RPS6KC1: variants seen among roughly 807,000 people sequenced by gnomAD.
RPS6KC1 encodes the protein ribosomal protein S6 kinase C1, also known as inactive ribosomal protein S6 kinase delta-1.
A neutral mutation model predicts 103.8 loss-of-function variants in RPS6KC1; 54 were observed. The observed-to-expected ratio is 0.52, with a 90% confidence interval of 0.42 to 0.65. The LOEUF (loss-of-function observed/expected upper bound fraction) is 0.65. RPS6KC1 is among the 30% of genes least tolerant of loss of function. The pLI is 0.00. For synonymous variants in RPS6KC1, 439 were observed against 438.7 expected, an observed-to-expected ratio of 1.00 and a Z score of -0.01; for missense variants, 1,151 against 1,253.8, an observed-to-expected ratio of 0.92 and a Z score of 1.24.
chr1:213,557,141 C>A, the RPS6KC1 span, among the ~76,000 whole-genome samples: 2 of 152,156 alleles, frequency 1.3e-5, no homozygotes, highest in Non-Finnish European at 2.9e-5. Flanking sequence ...CTTTTAGGGG[C>A]CTGCTTCAGC....
chr1:213,225,108 C>G (rs114033918), intron 8 of RPS6KC1, among the ~76,000 whole-genome samples: 7 of 152,264 alleles, frequency 4.6e-5, no homozygotes, highest in Non-Finnish European at 1.0e-4. Flanking sequence ...TATTGCCAAA[C>G]AGATGGAAAG....
intron 3 of RPS6KC1, among the ~76,000 whole-genome samples, chr1:213,092,129 C>T (rs2081023265): frequency 6.6e-6 from 1 of 152,038 alleles, no homozygotes; most frequent in Admixed American, 6.6e-5. Flanking sequence ...AAAAATGCAA[C>T]TGCTTTTGTA....
chr1:213,439,232 A>G, the RPS6KC1 span, among the ~76,000 whole-genome samples: 593 of 152,180 alleles, frequency 3.9e-3, 3 homozygotes, highest in Non-Finnish European at 6.8e-3. Flanking sequence ...TACAGGAAAA[A>G]CCAGCACAGA....
chr1:213,521,880 C>T, the RPS6KC1 span, among the ~76,000 whole-genome samples: 13 of 152,188 alleles, frequency 8.5e-5, no homozygotes, highest in Non-Finnish European at 1.3e-4. Context: ...CCCCTACTGA[C>T]GTTGCGAGTC....
At chr1:213,735,084 C>T in the RPS6KC1 span, among the ~76,000 whole-genome samples, 6 of 152,232 alleles carry the variant, frequency 3.9e-5, no homozygotes, top group East Asian at 1.9e-4. Context: ...CCACCACGCC[C>T]GGCTAATTTT....
intron 6 of RPS6KC1, among the ~76,000 whole-genome samples, chr1:213,141,629 GT>G (rs1244489381): frequency 6.6e-6 from 1 of 151,764 alleles, no homozygotes; most frequent in African/African-American, 2.4e-5. Flanking sequence ...ATTTCATTCA[GT>G]TCTGCTCTGA....
At chr1:213,581,993 T>C in the RPS6KC1 span, among the ~76,000 whole-genome samples, 1 of 151,970 alleles carries the variant, frequency 6.6e-6, no homozygotes, top group Non-Finnish European at 1.5e-5. Context: ...CAGCATTTTG[T>C]ACCTGCCCAC....
At chr1:213,425,859 G>A in the RPS6KC1 span, among the ~76,000 whole-genome samples, 7 of 152,208 alleles carry the variant, frequency 4.6e-5, no homozygotes, top group Admixed American at 2.0e-4. Context: ...GGTGGTGGCC[G>A]GGGCGGATGC....
the RPS6KC1 span, among the ~76,000 whole-genome samples, chr1:213,315,639 T>C: frequency 1.3e-5 from 2 of 152,230 alleles, no homozygotes; most frequent in Non-Finnish European, 2.9e-5. Flanking sequence ...TATATTAGTA[T>C]ATAGGAAAGA....
chr1:213,470,458 C>G, the RPS6KC1 span, among the ~76,000 whole-genome samples: 2 of 152,158 alleles, frequency 1.3e-5, no homozygotes, highest in African/African-American at 4.8e-5. Flanking sequence ...ATGTTCTGTG[C>G]ATCCAGCCAG....
the RPS6KC1 span, among the ~76,000 whole-genome samples, chr1:213,522,282 C>T: frequency 3.9e-5 from 6 of 152,316 alleles, no homozygotes; most frequent in African/African-American, 1.4e-4. Flanking sequence ...TAGGTCTCAA[C>T]AGTGGGTTTA....
the RPS6KC1 span, among the ~76,000 whole-genome samples, chr1:213,550,624 G>A: frequency 6.6e-6 from 1 of 152,098 alleles, no homozygotes; most frequent in South Asian, 2.1e-4. Flanking sequence ...TGATGGAATC[G>A]CAGTAACGCT....
At chr1:213,541,809 T>C in the RPS6KC1 span, among the ~76,000 whole-genome samples, 3 of 152,282 alleles carry the variant, frequency 2.0e-5, no homozygotes, top group South Asian at 6.2e-4. Flanking sequence ...CATGAACAGA[T>C]GGCATGAAAG....
the RPS6KC1 span, among the ~76,000 whole-genome samples, chr1:213,778,009 G>T: frequency 6.6e-6 from 1 of 152,114 alleles, no homozygotes; most frequent in African/African-American, 2.4e-5. Context: ...ATAACCCAAG[G>T]CCACTCAGCT....
At chr1:213,426,162 A>T in the RPS6KC1 span, among the ~76,000 whole-genome samples, 2 of 152,142 alleles carry the variant, frequency 1.3e-5, no homozygotes, top group Non-Finnish European at 2.9e-5. Flanking sequence ...GGGTGTGAAC[A>T]TTCTGACTGC....
the RPS6KC1 span, among the ~76,000 whole-genome samples, chr1:213,500,754 C>T: frequency 5.3e-5 from 8 of 152,114 alleles, no homozygotes; most frequent in South Asian, 2.1e-4. Flanking sequence ...TTATGTGGTG[C>T]GTGACTGCAT....
chr1:213,070,961 A>T, intron 1 of RPS6KC1, 45 bp from the exon 2 acceptor site: 1 of 1,205,842 alleles, frequency 8.3e-7, no homozygotes, highest in Non-Finnish European at 1.2e-6. Context: ...ATGAAATCTT[A>T]AATTTTGATA....
At chr1:213,059,526 A>T (rs1410470807) in intron 1 of RPS6KC1, among the ~76,000 whole-genome samples, 1 of 152,004 alleles carries the variant, frequency 6.6e-6, no homozygotes, top group African/African-American at 2.4e-5. Context: ...TTATATATAT[A>T]TATTTTGAGA....
chr1:213,515,166 C>G, the RPS6KC1 span, among the ~76,000 whole-genome samples: 2 of 151,814 alleles, frequency 1.3e-5, no homozygotes, highest in East Asian at 3.9e-4. Flanking sequence ...AAATTTTCTC[C>G]CATTCTGTAG....
Sources: gnomAD v4.1 joint callset for allele counts (sites outside exome capture counted in the v4.1 genomes callset) on GRCh38, gnomAD v4.1.1 for gene constraint, MANE v1.5 for transcripts, NCBI Gene and HGNC (gene_info 2026-07-23, HGNC 2026-07-21) for gene names.